ARHGAP22: variants seen among roughly 807,000 people sequenced by gnomAD.
ARHGAP22 encodes the protein rho GTPase-activating protein 22.
A neutral mutation model predicts 59.1 loss-of-function variants in ARHGAP22; 48 were observed. That is an observed-to-expected ratio of 0.81 (90% CI 0.64 to 1.03). ARHGAP22 has a LOEUF of 1.03. ARHGAP22 is among the 50% of genes least tolerant of loss of function. ARHGAP22 has a pLI of 0.00. For synonymous variants in ARHGAP22, 445 were observed against 416.4 expected (o/e 1.07, Z -0.84); for missense variants, 1,015 against 958.7 (o/e 1.06, Z -0.78).
At chr10:48,521,326 G>A (rs2053789994) in intron 3 of ARHGAP22, among the ~76,000 whole-genome samples, 2 of 152,156 alleles carry the variant, frequency 1.3e-5, no homozygotes, top group Admixed American at 6.5e-5. Context: ...GGAGAGCAAG[G>A]GGCTCCTGGA....
intron 1 of ARHGAP22, among the ~76,000 whole-genome samples, chr10:48,601,676 C>G (rs894419089): frequency 6.6e-6 from 1 of 152,112 alleles, no homozygotes; most frequent in Admixed American, 6.5e-5. Context: ...TTATTAGCAC[C>G]GTTTAATTGC....
intron 3 of ARHGAP22, among the ~76,000 whole-genome samples, chr10:48,521,137 C>A (rs57601353): frequency 6.6e-6 from 1 of 151,994 alleles, no homozygotes; most frequent in South Asian, 2.1e-4. Context: ...TGCTCACTGA[C>A]CTTTCAGCTT....
In ARHGAP22 at chr10:48,604,904, C is replaced by G; in HGVS notation, c.-108G>C. 1 of 1,585,808 alleles carries G rather than the reference C, an allele frequency of 6.3e-7. No individual in the cohort carries two copies. The highest frequency in any genetic ancestry group is 1.7e-5 in the Admixed American group (1 of 58,090). Reference sequence around the variant, plus strand: ...CCCTCATGTCCTGCTCGTTCGGGGCCCCGTGGCCGCTGGCGTCACCCGTCA... The same window carrying G: ...CCCTCATGTCCTGCTCGTTCGGGGCGCCGTGGCCGCTGGCGTCACCCGTCA... On this transcript the variant is annotated 5_prime_UTR_variant, in exon 1 of 10. Transcript: ENST00000249601.
At chr10:48,563,395 G>A (rs1219653365) in intron 2 of ARHGAP22, among the ~76,000 whole-genome samples, 2 of 151,898 alleles carry the variant, frequency 1.3e-5, no homozygotes, top group African/African-American at 2.4e-5. Flanking sequence ...GGGTTTCACC[G>A]TGTTAGCCAG....
chr10:48,447,740 A>C (rs1245861267), intron 9 of ARHGAP22, among the ~76,000 whole-genome samples: 3 of 152,042 alleles, frequency 2.0e-5, no homozygotes, highest in Non-Finnish European at 4.4e-5. Flanking sequence ...CTCTGACTTA[A>C]AGGGTCCTGA....
intron 3 of ARHGAP22, among the ~76,000 whole-genome samples, chr10:48,481,563 C>A (rs1444476589): frequency 6.6e-6 from 1 of 152,204 alleles, no homozygotes; most frequent in Non-Finnish European, 1.5e-5. Flanking sequence ...TCAGGCCCCA[C>A]AAAACTTGGA....
rs145512277 is a variant in ARHGAP22, at chr10:48,456,318, A to G, written c.660-1184T>C. ...CTGACATTTGGGATTCTGGGGTTCC[A>G]TGTATCCATATGCACCCCAAATCCA... On this transcript the variant is annotated intron_variant, in intron 5 of 9. Transcript: ENST00000249601. Among the ~76,000 whole-genome samples, 154 of 152,274 alleles carry G rather than the reference A, an allele frequency of 1.0e-3. 1 individual carries two copies. Among genetic ancestry groups the G allele is most frequent in the African/African-American group, 3.5e-3 (146 of 41,554 alleles).
At chr10:48,524,451 T>C (rs1438709431) in intron 3 of ARHGAP22, among the ~76,000 whole-genome samples, 1 of 145,948 alleles carries the variant, frequency 6.9e-6, no homozygotes, top group East Asian at 2.0e-4. Flanking sequence ...GGCCGCGCGC[T>C]CTCCCAGGAG....
chr10:48,463,251 C>G (rs958410348), intron 4 of ARHGAP22, among the ~76,000 whole-genome samples: 1 of 152,226 alleles, frequency 6.6e-6, no homozygotes, highest in South Asian at 2.1e-4. Flanking sequence ...GGCCCATGCT[C>G]CTCTCATGTG....
At chr10:48,599,111 G>A (rs1184599997) in intron 1 of ARHGAP22, among the ~76,000 whole-genome samples, 1 of 152,194 alleles carries the variant, frequency 6.6e-6, no homozygotes, top group Non-Finnish European at 1.5e-5. Context: ...AGGTGCAATA[G>A]GACTTCAAGC....
intron 4 of ARHGAP22, among the ~76,000 whole-genome samples, chr10:48,464,184 G>GT (rs1164278809): frequency 6.6e-6 from 1 of 152,240 alleles, no homozygotes; most frequent in East Asian, 1.9e-4. Flanking sequence ...CCTGCTCCCT[G>GT]TTCCCCCACA....
At chr10:48,560,264 T>G (rs1317040980) in intron 2 of ARHGAP22, among the ~76,000 whole-genome samples, 1 of 152,166 alleles carries the variant, frequency 6.6e-6, no homozygotes, top group Non-Finnish European at 1.5e-5. Flanking sequence ...GTGATCGGGA[T>G]TGCATAGATC....
chr10:48,649,391 C>T (rs894090286), intron 1 of ARHGAP22, among the ~76,000 whole-genome samples: 4 of 152,208 alleles, frequency 2.6e-5, no homozygotes, highest in Non-Finnish European at 5.9e-5. Context: ...CTCCCTACCC[C>T]AGGCTGCTCC....
At chr10:48,606,043 C>A (rs757184351), upstream of ARHGAP22, among the ~76,000 whole-genome samples, 5 of 152,152 alleles carry the variant, frequency 3.3e-5, no homozygotes, top group Non-Finnish European at 7.3e-5. Flanking sequence ...CTGATAATCA[C>A]TCCGTGTATC....
intron 3 of ARHGAP22, among the ~76,000 whole-genome samples, chr10:48,554,169 G>C (rs1041747781): frequency 6.6e-6 from 1 of 152,186 alleles, no homozygotes; most frequent in Non-Finnish European, 1.5e-5. Flanking sequence ...GCACAGGCGC[G>C]TATAGTTGGA....
the ARHGAP22 span, chr10:48,430,925 T>C: frequency 2.2e-6 from 1 of 456,428 alleles, no homozygotes; most frequent in Non-Finnish European, 3.9e-6. Context: ...AAAAGAAAGC[T>C]TCTACCCCAG....
Position 48,492,016 on chromosome 10 carries a change from T to C in ARHGAP22, c.323-12252A>G, listed in dbSNP as rs76872380. On this transcript the variant is annotated intron_variant, in intron 3 of 9. Coordinates refer to ENST00000249601, the MANE Select transcript of ARHGAP22 (RefSeq NM_021226.4). ...CCTCTGAGCTCCTGAACTTAAGGAT[T>C]TCCTTTTGAGACCTGGGGAGAGGGG... Among the ~76,000 whole-genome samples, 275 of 152,322 alleles carry C rather than the reference T, an allele frequency of 1.8e-3. 1 individual carries two copies. The highest frequency in any genetic ancestry group is 6.3e-3 in the African/African-American group (260 of 41,572).
intron 3 of ARHGAP22, among the ~76,000 whole-genome samples, chr10:48,519,144 G>A (rs2053573221): frequency 6.6e-6 from 1 of 152,196 alleles, no homozygotes; most frequent in Non-Finnish European, 1.5e-5. Flanking sequence ...GTGCTGGCCT[G>A]AGGACTGTGG....
In ARHGAP22 at chr10:48,578,695, T is replaced by TC. The variant is rs2058918933; in HGVS notation, c.234+4257_234+4258insG. Reference sequence around the variant, plus strand: ...TTCATTTTTTTGAAAAAGTTTTTTTTTTTAAAGAGAAACAATGAGTGTTCT... The same window carrying TC: ...TTCATTTTTTTGAAAAAGTTTTTTTTCTTTAAAGAGAAACAATGAGTGTTCT... On this transcript the variant is annotated intron_variant, in intron 2 of 9. Transcript: ENST00000249601. 5.9e-5 allele frequency among the ~76,000 whole-genome samples: 9 copies of TC among 151,868 alleles called. 1 individual carries two copies. In the South Asian group the frequency reaches 1.9e-3, roughly 32 times the overall value.
Sources: gnomAD v4.1 joint callset for allele counts (sites outside exome capture counted in the v4.1 genomes callset) on GRCh38, gnomAD v4.1.1 for gene constraint, MANE v1.5 for transcripts, NCBI Gene and HGNC (gene_info 2026-07-23, HGNC 2026-07-21) for gene names.